Variants in SOX5 observed in about 807,000 individuals in gnomAD.
The protein encoded by SOX5 is transcription factor SOX-5.
SOX5 carries 9 observed loss-of-function variants against 92.0 expected under a neutral mutation model. That is an observed-to-expected ratio of 0.10 (90% CI 0.06 to 0.17). SOX5 has a LOEUF of 0.17. SOX5 is among the 10% of genes least tolerant of loss of function. The pLI, the probability that SOX5 is intolerant of heterozygous loss-of-function variation, is 1.00. For missense variants in SOX5, 642 were observed against 944.5 expected, an observed-to-expected ratio of 0.68 and a Z score of 4.20; for synonymous variants, 344 against 336.3, an observed-to-expected ratio of 1.02 and a Z score of -0.25.
intron 3 of SOX5, among the ~76,000 whole-genome samples, chr12:23,799,560 G>A (rs950275603): frequency 7.2e-5 from 11 of 152,084 alleles, no homozygotes; most frequent in Admixed American, 2.6e-4. Context: ...ACCAATATCC[G>A]AAGTGAAAAC....
At chr12:23,665,296 C>T in intron 7 of SOX5, 148 bp downstream of exon 7, 2 of 847,390 alleles carry the variant, frequency 2.4e-6, no homozygotes, top group Middle Eastern at 3.7e-4. Flanking sequence ...AGTACTAACA[C>T]ACTTCTCCAC....
At chr12:23,654,311 T>A (rs891617075) in intron 7 of SOX5, among the ~76,000 whole-genome samples, 5 of 152,108 alleles carry the variant, frequency 3.3e-5, no homozygotes, top group African/African-American at 1.2e-4. Flanking sequence ...TAAATTTTGA[T>A]TTTATAAACA....
At chr12:23,805,063 CG>C (rs1247305977) in intron 3 of SOX5, among the ~76,000 whole-genome samples, 12 of 148,880 alleles carry the variant, frequency 8.1e-5, no homozygotes, top group African/African-American at 2.5e-4. Context: ...CATGACTAGA[CG>C]TTTTTTTAAA....
chr12:24,291,192 G>C (rs1003985518), intron 2 of SOX5, among the ~76,000 whole-genome samples: 1 of 152,188 alleles, frequency 6.6e-6, no homozygotes, highest in African/African-American at 2.4e-5. Context: ...TCTTTGCTAA[G>C]AAGGGCACAC....
intron 1 of SOX5, among the ~76,000 whole-genome samples, chr12:24,530,019 CAAAAAAAAAAA>C (rs34105691): frequency 4.1e-5 from 3 of 72,986 alleles, no homozygotes; most frequent in Non-Finnish European, 5.2e-5. Context: ...GACTCCGTCT[CAAAAAAAAAAA>C]AAAAAAAAAA....
intron 3 of SOX5, among the ~76,000 whole-genome samples, chr12:24,219,347 T>C (rs1959841604): frequency 6.6e-6 from 1 of 152,048 alleles, no homozygotes; most frequent in Non-Finnish European, 1.5e-5. Context: ...ATTGCTTGAG[T>C]TGATGGATAT....
At chr12:23,831,468 G>A (rs1314622083) in intron 3 of SOX5, among the ~76,000 whole-genome samples, 5 of 152,024 alleles carry the variant, frequency 3.3e-5, no homozygotes, top group Admixed American at 6.6e-5. Flanking sequence ...ACGGATGGGG[G>A]AATGTGAATG....
chr12:23,869,570 T>C (rs1355313810), intron 2 of SOX5, among the ~76,000 whole-genome samples: 2 of 152,150 alleles, frequency 1.3e-5, no homozygotes, highest in South Asian at 2.1e-4. Context: ...TACATGTGTA[T>C]TGGATGTGTG....
At chr12:24,011,826 T>G (rs776348951) in intron 4 of SOX5, among the ~76,000 whole-genome samples, 1 of 152,154 alleles carries the variant, frequency 6.6e-6, no homozygotes, top group Non-Finnish European at 1.5e-5. Flanking sequence ...ATACTAGGAG[T>G]CTTCCTAAAC....
At chr12:23,600,544 TATATATATAC>T (rs1566193572) in intron 9 of SOX5, among the ~76,000 whole-genome samples, 3 of 124,462 alleles carry the variant, frequency 2.4e-5, no homozygotes, top group Admixed American at 8.8e-5. Context: ...TATATATATA[TATATATATAC>T]ACATACTTGG....
chr12:23,717,657 T>C (rs1478570975), intron 6 of SOX5, among the ~76,000 whole-genome samples: 2 of 152,208 alleles, frequency 1.3e-5, no homozygotes, highest in African/African-American at 2.4e-5. Context: ...CAGATCATTA[T>C]AACAGATGAT....
chr12:23,582,076 C>T (rs921102985), intron 9 of SOX5: 18 of 835,832 alleles, frequency 2.2e-5, no homozygotes, highest in Non-Finnish European at 2.6e-5. Context: ...CTGCTATTAT[C>T]CTCTCTGATG....
At chr12:24,553,530 C>A (rs1953427998) in intron 1 of SOX5, among the ~76,000 whole-genome samples, 1 of 152,228 alleles carries the variant, frequency 6.6e-6, no homozygotes, top group Admixed American at 6.5e-5. Context: ...TGCTCTGTTT[C>A]AGGCATTGTG....
At chr12:24,176,349 A>G (rs1277842344) in intron 4 of SOX5, among the ~76,000 whole-genome samples, 1 of 152,122 alleles carries the variant, frequency 6.6e-6, no homozygotes, top group Non-Finnish European at 1.5e-5. Flanking sequence ...AAAAAATAAC[A>G]AAACAAAACA....
intron 3 of SOX5, among the ~76,000 whole-genome samples, chr12:23,827,168 A>G (rs1934814013): frequency 6.6e-6 from 1 of 152,220 alleles, no homozygotes; most frequent in Non-Finnish European, 1.5e-5. Flanking sequence ...AGGAGTTAAA[A>G]AAGACATCTC....
chr12:24,467,365 G>A (rs943687569), intron 1 of SOX5, among the ~76,000 whole-genome samples: 1 of 152,180 alleles, frequency 6.6e-6, no homozygotes, highest in Non-Finnish European at 1.5e-5. Context: ...TTCAGTGCAC[G>A]TTACAATGGA....
intron 3 of SOX5, among the ~76,000 whole-genome samples, chr12:24,274,164 A>C (rs1944140391): frequency 1.3e-5 from 2 of 152,220 alleles, no homozygotes; most frequent in African/African-American, 2.4e-5. Context: ...CCATTCAACT[A>C]AATCTCACCA....
intron 3 of SOX5, among the ~76,000 whole-genome samples, chr12:24,216,204 C>A (rs535724336): frequency 9.2e-4 from 140 of 152,292 alleles, no homozygotes; most frequent in African/African-American, 3.3e-3. Context: ...AAAATCCCGG[C>A]CGGGCGCGGT....
At chr12:24,522,206 A>G (rs936258274) in intron 1 of SOX5, among the ~76,000 whole-genome samples, 5 of 152,004 alleles carry the variant, frequency 3.3e-5, no homozygotes, top group Non-Finnish European at 5.9e-5. Flanking sequence ...TATGAGACTT[A>G]TAAGAATGAA....
Sources: gnomAD v4.1 joint callset for allele counts (sites outside exome capture counted in the v4.1 genomes callset) on GRCh38, gnomAD v4.1.1 for gene constraint, MANE v1.5 for transcripts, NCBI Gene and HGNC (gene_info 2026-07-23, HGNC 2026-07-21) for gene names.